The following RP9 variants were observed in gnomAD, a reference collection of about 807,000 sequenced individuals.
RP9 encodes the protein RP9 pre-mRNA splicing factor.
RP9 carries 23 observed loss-of-function variants against 32.6 expected under a neutral mutation model. The ratio of observed to expected loss-of-function variants is 0.71; its 90% CI spans 0.51 to 1.00. The LOEUF is 1.00. RP9 is among the 50% of genes least tolerant of loss of function. RP9 has a pLI of 0.00. For missense variants in RP9, 245 were observed against 285.3 expected (o/e 0.86, Z 1.02); for synonymous variants, 94 against 103.6 (o/e 0.91, Z 0.56).
chr7:33,109,246 G>C lies in RP9; in HGVS notation c.127C>G (p.Gln43Glu). ...AAGGACTCCAGGTGCTTGAGCTGCT[G>C]CAGCTGCTGCGCGTCGTGTCGCCGC... Reference protein sequence around the residue: ...KRRRHDAQQLQQLKHLESFYE... With the variant: ...KRRRHDAQQLEQLKHLESFYE... Residue 43 changes from glutamine to glutamate, a missense_variant, in exon 1 of 6, where the codon CAG (glutamine) becomes GAG (glutamate). Transcript: ENST00000297157. The surrounding 1 kb of genome is among the most constrained non-coding windows in gnomAD (Gnocchi z 4.9). 1 of 1,496,894 alleles carries C rather than the reference G, an allele frequency of 6.7e-7. No homozygotes were observed. The highest frequency in any genetic ancestry group is 1.2e-5 in the South Asian group (1 of 80,262). The allele number at this position is 1,496,894 out of a possible 1,614,324, so 92.7% of individuals were successfully genotyped here. A position where few individuals can be genotyped will look rare whatever the true frequency, so the allele number is the denominator to read the frequency against.
chr7:33,109,386 G>C lies in RP9; in HGVS notation c.-14C>G, dbSNP rs963894506. ...CCGGGACGACATGTCAGCCCCCGCA[G>C]CGCCGCTCGGGCAACCCCCGCGGCG... On this transcript the variant is annotated 5_prime_UTR_variant, in exon 1 of 6. Coordinates refer to ENST00000297157, the MANE Select transcript of RP9 (RefSeq NM_203288.2). The surrounding 1 kb of genome is among the most constrained non-coding windows in gnomAD (Gnocchi z 4.9). 6 of 1,242,532 alleles carry C rather than the reference G, an allele frequency of 4.8e-6. No homozygotes were observed. Among genetic ancestry groups the C allele is most frequent in the Non-Finnish European group, 3.0e-6 (3 of 987,846 alleles). 77.0% of individuals were successfully genotyped at this position (1,242,532 alleles called of 1,614,324 possible). A position where few individuals can be genotyped will look rare whatever the true frequency, so the allele number is the denominator to read the frequency against.
At chr7:33,108,045 T>TA (rs2128034245) in intron 1 of RP9, among the ~76,000 whole-genome samples, 1 of 152,346 alleles carries the variant, frequency 6.6e-6, no homozygotes, top group South Asian at 2.1e-4. Context: ...CTCAGGTACT[T>TA]ATAACAGTAG....
intron 2 of RP9, 65 bp from the exon 3 acceptor site, chr7:33,099,501 G>C: frequency 6.2e-7 from 1 of 1,600,092 alleles, no homozygotes; most frequent in Non-Finnish European, 8.6e-7. Context: ...GCTCCCCTTG[G>C]AGCCACCCTT....
rs1347442933 is a variant in RP9 at position 33,109,088 on chromosome 7, C to G, written c.152+133G>C. 2.3e-6 allele frequency: 3 copies of G among 1,300,314 alleles called. No individual in the cohort carries two copies. Among genetic ancestry groups the G allele is most frequent in the Non-Finnish European group, 2.9e-6 (3 of 1,020,252 alleles). The allele number at this position is 1,300,314 out of a possible 1,614,324, so 80.5% of individuals were successfully genotyped here. A position where few individuals can be genotyped will look rare whatever the true frequency, so the allele number is the denominator to read the frequency against. ...CGACATCGGTCGCCCGCACCAGGCT[C>G]CTGCCGGGCCCAGCCCCCCTGCCTG... On this transcript the variant is annotated intron_variant, in intron 1 of 5. Coordinates refer to ENST00000297157, the MANE Select transcript of RP9 (RefSeq NM_203288.2). The surrounding 1 kb of genome is among the most constrained non-coding windows in gnomAD (Gnocchi z 4.9).
At chr7:33,100,663 A>G (rs1382694575) in intron 1 of RP9, 102 bp from the exon 2 acceptor site, 7 of 904,362 alleles carry the variant, frequency 7.7e-6, no homozygotes, top group Non-Finnish European at 1.3e-5. Context: ...CAGAGATTTT[A>G]GCAACAATAA....
rs930101999 is a variant in RP9, at chr7:33,109,377, GCCCCCGCAGCGCCGCTCGGGCAA to G, written c.-28_-6del. On this transcript the variant is annotated 5_prime_UTR_variant, in exon 1 of 6. Coordinates refer to ENST00000297157, the MANE Select transcript of RP9 (RefSeq NM_203288.2). The surrounding 1 kb of genome is among the most constrained non-coding windows in gnomAD (Gnocchi z 4.9). ...GCGCCCAGGCCGGGACGACATGTCA[GCCCCCGCAGCGCCGCTCGGGCAA>G]CCCCCGCGGCGCGGCTCCGGCGGCG... is the stretch of plus-strand genomic sequence containing the variant. 11 of 1,366,960 alleles carry G rather than the reference GCCCCCGCAGCGCCGCTCGGGCAA, an allele frequency of 8.0e-6. No homozygotes were observed. Among genetic ancestry groups the G allele is most frequent in the African/African-American group, 4.6e-5 (3 of 64,630 alleles). The allele number at this position is 1,366,960 out of a possible 1,614,324, so 84.7% of individuals were successfully genotyped here. A position where few individuals can be genotyped will look rare whatever the true frequency, so the allele number is the denominator to read the frequency against.
At position 33,095,235 on chromosome 7, in the gene RP9, C is replaced by A. The variant is rs1788312237; in HGVS notation, c.665G>T (p.Ter222LeuextTer63). 3 of 1,604,460 alleles carry A rather than the reference C, an allele frequency of 1.9e-6. No individual in the cohort carries two copies. The highest frequency in any genetic ancestry group is 1.1e-5 in the South Asian group (1 of 90,732). Residue 222 changes from the stop codon to leucine, a stop_lost, in exon 6 of 6, where the codon TGA becomes TTA. Coordinates refer to ENST00000297157, the MANE Select transcript of RP9 (RefSeq NM_203288.2). ...AATGTTGAACAAGTCACATCCTTGT[C>A]ACTCTGAGTCAGAACCCTCATTTGA... ...SKSNEGSDSE* is the reference protein window; with the variant it reads ...SKSNEGSDSEL
rs185287460 is a variant in RP9 at position 33,104,349 on chromosome 7, T to C, written c.153-3788A>G. Among the ~76,000 whole-genome samples the C allele has an allele frequency of 4.3e-3, 654 of 152,174 alleles. 6 individuals carry two copies. Among genetic ancestry groups the C allele is most frequent in the South Asian group, 0.042 (204 of 4,820 alleles). ...GGGTGAGCATCAGAAAAAATAACTCTTGGGTACTAGGCTTTGTACCTGGGT... is the reference window on the plus strand; with the variant it reads ...GGGTGAGCATCAGAAAAAATAACTCCTGGGTACTAGGCTTTGTACCTGGGT... On this transcript the variant is annotated intron_variant, in intron 1 of 5. Coordinates refer to ENST00000297157, the MANE Select transcript of RP9 (RefSeq NM_203288.2).
At chr7:33,102,918 CTG>C (rs1465655307) in intron 1 of RP9, among the ~76,000 whole-genome samples, 2 of 152,210 alleles carry the variant, frequency 1.3e-5, no homozygotes, top group Non-Finnish European at 2.9e-5. Context: ...CGAGGGAAAA[CTG>C]TGGTGGAGAC....
Position 33,099,383 on chromosome 7 carries a change from G to A in RP9, c.237C>T (p.His79=), listed in dbSNP as rs374773345. 33 of 1,613,388 alleles carry A rather than the reference G, an allele frequency of 2.0e-5. No homozygotes were observed. The highest frequency in any genetic ancestry group is 3.3e-4 in the Middle Eastern group (2 of 6,060). Residue 79 remains histidine (H), a synonymous_variant, in exon 3 of 6, where the codon CAC becomes CAT. Coordinates refer to ENST00000297157, the MANE Select transcript of RP9 (RefSeq NM_203288.2). ...GTGCATGAGCCAGAAATTCCCTGGC[G>A]TGTTCATTGCCTGGTACATCTGGTA... ...DCIPDVPGNE[H]AREFLAHAPT...
rs556598102 is a variant in RP9, at chr7:33,101,189, C to G, written c.153-628G>C. Among the ~76,000 whole-genome samples, 11 of 152,238 alleles carry G rather than the reference C, an allele frequency of 7.2e-5. No homozygotes were observed. In the East Asian group the frequency reaches 2.1e-3, roughly 29 times the overall value. ...AGAATGGCTGCAACATAGAGAAACA[C>G]TTAATGATTTAATGTTTTCTTCATT... On this transcript the variant is annotated intron_variant, in intron 1 of 5. Coordinates refer to ENST00000297157, the MANE Select transcript of RP9 (RefSeq NM_203288.2).
chr7:33,108,843 C>T (rs1338947645), intron 1 of RP9, among the ~76,000 whole-genome samples: 1 of 152,210 alleles, frequency 6.6e-6, no homozygotes, highest in East Asian at 1.9e-4. Flanking sequence ...TGTGGCCCAG[C>T]TTAAGAACTT....
Position 33,099,384 on chromosome 7 carries a change from T to A in RP9, c.236A>T (p.His79Leu). The change falls in exon 3 of 6, where the codon CAC becomes CTC. Residue 79 changes from histidine (H) to leucine (L), a missense_variant. By Grantham distance (99) the His-to-Leu change is moderately conservative. This residue lies in a region of RP9 where 182 missense variants were observed against 175.5 expected (regional missense o/e 1.04). Coordinates refer to ENST00000297157, the MANE Select transcript of RP9 (RefSeq NM_203288.2). ...DCIPDVPGNE[H>L]AREFLAHAPT... ...TGCATGAGCCAGAAATTCCCTGGCG[T>A]GTTCATTGCCTGGTACATCTGGTAT... is the stretch of plus-strand genomic sequence containing the variant. The A allele has an allele frequency of 6.2e-7, 1 of 1,613,678 alleles. No homozygotes were observed. The highest frequency in any genetic ancestry group is 8.5e-7 in the Non-Finnish European group (1 of 1,179,908).
chr7:33,106,213 G>A lies in RP9; in HGVS notation c.152+3008C>T, dbSNP rs1253739500. The stretch of plus-strand genomic sequence containing the variant: ...GACAGGATATCACTCTGTTGCCCAG[G>A]CTGGAGTCCTGGAGTGCAGCCATGG... On this transcript the variant is annotated intron_variant, in intron 1 of 5. Transcript: ENST00000297157. 2.0e-5 allele frequency among the ~76,000 whole-genome samples: 3 copies of A among 151,992 alleles called. No homozygotes were observed. In the South Asian group the frequency reaches 6.2e-4, roughly 32 times the overall value.
intron 1 of RP9, among the ~76,000 whole-genome samples, chr7:33,101,189 C>T (rs556598102): frequency 6.6e-6 from 1 of 152,120 alleles, no homozygotes; most frequent in African/African-American, 2.4e-5. Context: ...TAGAGAAACA[C>T]TTAATGATTT....
At chr7:33,107,039 A>T (rs1420716546) in intron 1 of RP9, among the ~76,000 whole-genome samples, 3 of 152,134 alleles carry the variant, frequency 2.0e-5, no homozygotes, top group Non-Finnish European at 2.9e-5. Flanking sequence ...AGAGGGACAC[A>T]GGGAATATGA....
chr7:33,107,247 C>T (rs1054932124), intron 1 of RP9, among the ~76,000 whole-genome samples: 1 of 152,200 alleles, frequency 6.6e-6, no homozygotes, highest in Non-Finnish European at 1.5e-5. Context: ...ACCAGTCAAT[C>T]AGACACCTGG....
At position 33,106,506 on chromosome 7, in the gene RP9, G is replaced by A. The variant is rs17150809; in HGVS notation, c.152+2715C>T. ...ATAATAATGTTAATACTAAGCATTC[G>A]TTTAGCAAAAATTGCTATGATGGAA... is the stretch of plus-strand genomic sequence containing the variant. On this transcript the variant is annotated intron_variant, in intron 1 of 5. Transcript: ENST00000297157. Among the ~76,000 whole-genome samples the A allele has an allele frequency of 4.0e-3, 607 of 152,234 alleles. 10 individuals are homozygous for A. The highest frequency in any genetic ancestry group is 0.022 in the East Asian group (116 of 5,184).
At chr7:33,105,874 C>A (rs1290768418) in intron 1 of RP9, among the ~76,000 whole-genome samples, 1 of 152,194 alleles carries the variant, frequency 6.6e-6, no homozygotes, top group Admixed American at 6.5e-5. Context: ...TCCCATGTCA[C>A]ATAAAACTTT....
Sources: allele counts gnomAD v4.1 joint callset (sites outside exome capture counted in the v4.1 genomes callset), GRCh38; gene constraint gnomAD v4.1.1; regional missense constraint gnomAD v4.1.1; non-coding constraint Gnocchi (gnomAD v3.1); transcripts MANE v1.5; gene names NCBI Gene and HGNC (gene_info 2026-07-23, HGNC 2026-07-21).